The following DNMT3A variants were observed in gnomAD, a reference collection of about 807,000 sequenced individuals.
The protein encoded by DNMT3A is DNA methyltransferase 3 alpha.
A neutral mutation model predicts 117.6 loss-of-function variants in DNMT3A; 267 were observed. That is an observed-to-expected ratio of 2.27 (90% CI 2.05 to 2.51). The LOEUF (loss-of-function observed/expected upper bound fraction) is 2.51, where lower values mean the gene tolerates loss of function less well. Among genes scored for constraint, DNMT3A ranks in the 30% most tolerant of loss-of-function variants. The pLI is 0.00. For synonymous variants in DNMT3A, 432 were observed against 474.8 expected, an observed-to-expected ratio of 0.91 and a Z score of 1.17; for missense variants, 1,029 against 1,260.2, an observed-to-expected ratio of 0.82 and a Z score of 2.78.
chr2:25,291,698 C>T (rs1447707411), intron 3 of DNMT3A, among the ~76,000 whole-genome samples: 1 of 152,254 alleles, frequency 6.6e-6, no homozygotes, highest in East Asian at 1.9e-4. Flanking sequence ...TGTCTCCCTT[C>T]TCCCCAGAGA....
At position 25,286,991 on chromosome 2, in the gene DNMT3A, G is replaced by C. The variant is rs1306479053; in HGVS notation, c.178-4280C>G. On this transcript the variant is annotated intron_variant, in intron 3 of 22. Transcript: ENST00000321117. The surrounding 1 kb of genome is among the most constrained non-coding windows in gnomAD (Gnocchi z 4.3). ...CCGGCTAGACTTAGCAGGGAGTGGG[G>C]CACCTGACAGGTGCTCAGACAATAT... is the stretch of plus-strand genomic sequence containing the variant. 6.6e-6 allele frequency among the ~76,000 whole-genome samples: 1 copy of C among 152,226 alleles called. No homozygotes were observed. The highest frequency in any genetic ancestry group is 1.5e-5 in the Non-Finnish European group (1 of 68,034).
Position 25,233,160 on chromosome 2 carries a change from G to A in DNMT3A, c.*1119C>T, listed in dbSNP as rs1175224682. On this transcript the variant is annotated 3_prime_UTR_variant, in exon 23 of 23. Coordinates refer to ENST00000321117, the MANE Select transcript of DNMT3A (RefSeq NM_022552.5). ...GTCTCCTTTTAGAAAACAATCAAAGGGTTATTGCATGAGTCTGGATGAATC... is the reference window on the plus strand; with the variant it reads ...GTCTCCTTTTAGAAAACAATCAAAGAGTTATTGCATGAGTCTGGATGAATC... 4.7e-5 allele frequency: 11 copies of A among 233,612 alleles called. No homozygotes were observed. The East Asian group carries it at 6.6e-4, about 14-fold the overall frequency. 14.5% of individuals were successfully genotyped at this position (233,612 alleles called of 1,614,324 possible).
chr2:25,299,257 G>A (rs529087928), intron 3 of DNMT3A, among the ~76,000 whole-genome samples: 2 of 152,240 alleles, frequency 1.3e-5, no homozygotes, highest in South Asian at 4.1e-4. Flanking sequence ...AGGCCTCAGC[G>A]GCACTGGTTC....
upstream of DNMT3A, among the ~76,000 whole-genome samples, chr2:25,342,147 G>A (rs1168596945): frequency 6.9e-5 from 10 of 144,554 alleles, no homozygotes; most frequent in Non-Finnish European, 1.5e-4. The surrounding 1 kb of genome is among the most constrained non-coding windows in gnomAD (Gnocchi z 5.9). Flanking sequence ...CTGCGGAGCC[G>A]GCCCGGGAGG....
Position 25,234,132 on chromosome 2 carries a change from C to T in DNMT3A, c.*147G>A. On this transcript the variant is annotated 3_prime_UTR_variant, in exon 23 of 23. Transcript: ENST00000321117. This position sits in a 1 kb window ranked among gnomAD's most constrained non-coding sequence, Gnocchi z 4.5. Reference sequence around the variant, plus strand: ...AGGCAAAGCCCTCCGGTATTTCCGCCTCTGTGGTTTTTGTTTTAAATTCCT... The same window carrying T: ...AGGCAAAGCCCTCCGGTATTTCCGCTTCTGTGGTTTTTGTTTTAAATTCCT... 3 of 1,275,264 alleles carry T rather than the reference C, an allele frequency of 2.4e-6. No homozygotes were observed. Among genetic ancestry groups the T allele is most frequent in the Non-Finnish European group, 2.1e-6 (2 of 962,220 alleles). 79.0% of individuals were successfully genotyped at this position (1,275,264 alleles called of 1,614,324 possible).
intron 3 of DNMT3A, among the ~76,000 whole-genome samples, chr2:25,288,292 G>A (rs1479571945): frequency 6.6e-6 from 1 of 151,888 alleles, no homozygotes; most frequent in Non-Finnish European, 1.5e-5. Flanking sequence ...AAATTCGCCA[G>A]GCGTGGTAGC....
chr2:25,266,174 C>T (rs1040961914), intron 6 of DNMT3A, among the ~76,000 whole-genome samples: 11 of 152,258 alleles, frequency 7.2e-5, no homozygotes, highest in Non-Finnish European at 1.6e-4. Flanking sequence ...CTCGAAGTCA[C>T]TACTGCTTAC....
chr2:25,253,904 T>G (rs1675884750), intron 6 of DNMT3A, among the ~76,000 whole-genome samples: 1 of 152,030 alleles, frequency 6.6e-6, no homozygotes, highest in Non-Finnish European at 1.5e-5. Context: ...AAACCTTGTC[T>G]CTACTAAAAA....
chr2:25,291,755 C>T (rs1407608192), intron 3 of DNMT3A, among the ~76,000 whole-genome samples: 1 of 152,246 alleles, frequency 6.6e-6, no homozygotes. Flanking sequence ...CTCTGCAAAG[C>T]CTTAGAGGTC....
At chr2:25,275,358 C>T (rs1044430931) in intron 5 of DNMT3A, 142 bp downstream of exon 5, 1 of 1,300,576 alleles carries the variant, frequency 7.7e-7, no homozygotes, top group Admixed American at 2.4e-5. Flanking sequence ...TTCCAACCTC[C>T]ACGCCCACTT....
chr2:25,314,915 C>A (rs1008515529), intron 1 of DNMT3A, among the ~76,000 whole-genome samples: 2 of 152,168 alleles, frequency 1.3e-5, no homozygotes, highest in Non-Finnish European at 2.9e-5. Context: ...CAGGTGTAGG[C>A]CTCAAGCCAG....
intron 3 of DNMT3A, among the ~76,000 whole-genome samples, chr2:25,288,306 C>T (rs372628655): frequency 1.3e-5 from 2 of 151,884 alleles, no homozygotes; most frequent in Non-Finnish European, 2.9e-5. Flanking sequence ...TGGTAGCAGG[C>T]GCCTGTAGTC....
chr2:25,246,102 G>C (rs1042931083), intron 11 of DNMT3A, 38 bp from the exon 12 acceptor site: 1 of 1,614,202 alleles, frequency 6.2e-7, no homozygotes, highest in East Asian at 2.2e-5. Context: ...AGGAGGCCGC[G>C]CCTGCTCCTC....
At chr2:25,278,038 C>CAG (rs540809852) in intron 4 of DNMT3A, among the ~76,000 whole-genome samples, 1 of 77,142 alleles carries the variant, frequency 1.3e-5, no homozygotes. Context: ...CACACACACA[C>CAG]AGACACACAC....
Position 25,281,305 on chromosome 2 carries a change from T to C in DNMT3A, c.448+1136A>G. On this transcript the variant is annotated intron_variant, in intron 4 of 22. Transcript: ENST00000321117. This position sits in a 1 kb window ranked among gnomAD's most constrained non-coding sequence, Gnocchi z 4.8. ...ATTGTTTTAAGCCTCAATATTTTTC[T>C]CCTGAAATGAGGATAATCATATCTC... is the stretch of plus-strand genomic sequence containing the variant. 1.1e-5 allele frequency: 6 copies of C among 555,086 alleles called. No individual in the cohort carries two copies. The highest frequency in any genetic ancestry group is 1.4e-5 in the Non-Finnish European group (6 of 428,852). 34.4% of individuals were successfully genotyped at this position (555,086 alleles called of 1,614,324 possible). A position where few individuals can be genotyped will look rare whatever the true frequency, so the allele number is the denominator to read the frequency against.
chr2:25,300,693 T>TATA lies in DNMT3A; in HGVS notation c.73-451_73-450insTAT, dbSNP rs1558722404. Among the ~76,000 whole-genome samples, 75 of 51,610 alleles carry TATA rather than the reference T, an allele frequency of 1.5e-3. 2 individuals carry two copies. Among genetic ancestry groups the TATA allele is most frequent in the African/African-American group, 5.2e-3 (71 of 13,536 alleles). 33.9% of individuals were successfully genotyped at this position (51,610 alleles called of 152,430 possible). The stretch of plus-strand genomic sequence containing the variant: ...TTTAGATATATATTTAGATATATAT[T>TATA]TATATATCTAAATAATATAATATAT... On this transcript the variant is annotated intron_variant, in intron 2 of 22. Coordinates refer to ENST00000321117, the MANE Select transcript of DNMT3A (RefSeq NM_022552.5).
intron 22 of DNMT3A, among the ~76,000 whole-genome samples, 174 bp downstream of exon 22, chr2:25,235,533 G>C (rs1673255821): frequency 6.6e-6 from 1 of 152,102 alleles, no homozygotes; most frequent in Admixed American, 6.5e-5. Flanking sequence ...CAGGAGCCTG[G>C]GGTGTCAGGA....
intron 6 of DNMT3A, among the ~76,000 whole-genome samples, chr2:25,270,214 T>A (rs2030744752): frequency 6.6e-6 from 1 of 152,198 alleles, no homozygotes; most frequent in Non-Finnish European, 1.5e-5. Flanking sequence ...TATTCCTCCC[T>A]CTGAAATGCC....
rs1231333459 is a variant in DNMT3A at position 25,237,751 on chromosome 2, C to A, written c.2409-746G>T. 6.7e-6 allele frequency among the ~76,000 whole-genome samples: 1 copy of A among 150,050 alleles called. No homozygotes were observed. Among genetic ancestry groups the A allele is most frequent in the East Asian group, 2.0e-4 (1 of 5,098 alleles). On this transcript the variant is annotated intron_variant, in intron 20 of 22. Transcript: ENST00000321117. The surrounding 1 kb of genome is among the most constrained non-coding windows in gnomAD (Gnocchi z 5.4). ...CTGCACTCCAGCCTGGGCGACAGAG[C>A]AAGACTCTGTCTCCAAAAAAAAAAA... is the stretch of plus-strand genomic sequence containing the variant.
Sources: allele counts gnomAD v4.1 joint callset (sites outside exome capture counted in the v4.1 genomes callset), GRCh38; gene constraint gnomAD v4.1.1; non-coding constraint Gnocchi (gnomAD v3.1); transcripts MANE v1.5; gene names NCBI Gene and HGNC (gene_info 2026-07-23, HGNC 2026-07-21).